ST8SIA6: variants seen among roughly 807,000 people sequenced by gnomAD.
The protein encoded by ST8SIA6 is alpha-2,8-sialyltransferase 8F.
ST8SIA6 carries 39 observed loss-of-function variants against 33.6 expected under a neutral mutation model. That is an observed-to-expected ratio of 1.16 (90% CI 0.90 to 1.52). The LOEUF (loss-of-function observed/expected upper bound fraction) is 1.52. Among genes scored for constraint, ST8SIA6 ranks in the 40% most tolerant of loss-of-function variants. The pLI is 0.00. For missense variants in ST8SIA6, 441 were observed against 443.8 expected (o/e 0.99, Z 0.06); for synonymous variants, 172 against 167.2 (o/e 1.03, Z -0.22).
At chr10:17,333,628 A>G (rs892711965) in intron 4 of ST8SIA6, among the ~76,000 whole-genome samples, 3 of 143,578 alleles carry the variant, frequency 2.1e-5, no homozygotes, top group East Asian at 2.1e-4. Flanking sequence ...CCTGACAAAA[A>G]CAAGCAAAGG....
At chr10:17,406,279 A>G (rs1034549773) in intron 2 of ST8SIA6, among the ~76,000 whole-genome samples, 3 of 152,098 alleles carry the variant, frequency 2.0e-5, no homozygotes, top group Admixed American at 6.5e-5. Flanking sequence ...CTCCTTTACA[A>G]CCTTTTATCA....
intron 2 of ST8SIA6, among the ~76,000 whole-genome samples, chr10:17,448,555 A>G (rs1852798203): frequency 1.3e-5 from 2 of 151,934 alleles, no homozygotes; most frequent in South Asian, 2.1e-4. Flanking sequence ...TAATGATTGG[A>G]TATTTGGGTA....
Position 17,452,238 on chromosome 10 carries a change from A to G in ST8SIA6, c.200+1321T>C, listed in dbSNP as rs1209929357. On this transcript the variant is annotated intron_variant, in intron 2 of 7. Coordinates refer to ENST00000377602, the MANE Select transcript of ST8SIA6 (RefSeq NM_001004470.3). ...GCCTCTAATATGCTGTGAAATTCCA[A>G]TGAGGGGGTGGCAGGCAGTGGTGTT... Among the ~76,000 whole-genome samples the G allele has an allele frequency of 3.3e-5, 5 of 152,282 alleles. No homozygotes were observed. In the East Asian group the frequency reaches 9.6e-4, roughly 29 times the overall value.
chr10:17,411,364 G>A (rs1416289819), intron 2 of ST8SIA6, among the ~76,000 whole-genome samples: 3 of 152,142 alleles, frequency 2.0e-5, no homozygotes, highest in Admixed American at 2.0e-4. Flanking sequence ...TGTATTTTTA[G>A]TAGAGAAGGG....
At chr10:17,369,001 G>C (rs967602093) in intron 3 of ST8SIA6, among the ~76,000 whole-genome samples, 2 of 152,172 alleles carry the variant, frequency 1.3e-5, no homozygotes, top group African/African-American at 4.8e-5. Context: ...CAGTATCTCA[G>C]GCCCCATCCC....
chr10:17,332,830 T>A (rs568317618), intron 4 of ST8SIA6, among the ~76,000 whole-genome samples: 4 of 152,360 alleles, frequency 2.6e-5, no homozygotes, highest in Admixed American at 6.5e-5. Flanking sequence ...ATGAGCTTTT[T>A]TTCATGTTTG....
chr10:17,391,464 A>T (rs1172445873), intron 2 of ST8SIA6, among the ~76,000 whole-genome samples: 1 of 150,706 alleles, frequency 6.6e-6, no homozygotes, highest in Non-Finnish European at 1.5e-5. Flanking sequence ...GGGTTTCAGC[A>T]TGTTAGCCAG....
intron 2 of ST8SIA6, among the ~76,000 whole-genome samples, chr10:17,444,327 G>A (rs770422303): frequency 2.0e-5 from 3 of 152,256 alleles, no homozygotes; most frequent in East Asian, 3.9e-4. Context: ...ACGTTGCCTC[G>A]TGAGTCATAA....
At position 17,390,561 on chromosome 10, in the gene ST8SIA6, C is replaced by T; in HGVS notation, c.260G>A (p.Gly87Asp). ...LTEKCKNLQY[G>D]IESFSNKTKG... ...CGTTTTGTTAGAGAAAGACTCAATGCCATATTGCAGATTTTTGCATTTCTC... is the reference window on the plus strand; with the variant it reads ...CGTTTTGTTAGAGAAAGACTCAATGTCATATTGCAGATTTTTGCATTTCTC... The change falls in exon 3 of 8, where the codon GGC (glycine) becomes GAC (aspartate). Residue 87 changes from glycine to aspartate, a missense_variant. Transcript: ENST00000377602. 6.2e-7 allele frequency: 1 copy of T among 1,613,856 alleles called. No homozygotes were observed. The highest frequency in any genetic ancestry group is 8.5e-7 in the Non-Finnish European group (1 of 1,179,846).
intron 3 of ST8SIA6, among the ~76,000 whole-genome samples, chr10:17,389,580 T>C (rs1368041678): frequency 6.6e-6 from 1 of 152,080 alleles, no homozygotes; most frequent in Non-Finnish European, 1.5e-5. Flanking sequence ...TTGGATTTCC[T>C]TTTTTTGAAG....
chr10:17,372,721 A>C (rs1849776112), intron 3 of ST8SIA6, among the ~76,000 whole-genome samples: 1 of 152,256 alleles, frequency 6.6e-6, no homozygotes, highest in South Asian at 2.1e-4. Context: ...TTAGTTACCC[A>C]TGACTATGTA....
chr10:17,406,083 A>G (rs1851247849), intron 2 of ST8SIA6, among the ~76,000 whole-genome samples: 1 of 152,148 alleles, frequency 6.6e-6, no homozygotes, highest in East Asian at 1.9e-4. Flanking sequence ...GTTCAAAGAA[A>G]CCAGAATGTG....
intron 2 of ST8SIA6, among the ~76,000 whole-genome samples, chr10:17,431,736 GAAAAAAA>G (rs113184112): frequency 3.4e-5 from 4 of 118,928 alleles, no homozygotes; most frequent in East Asian, 2.5e-4. Context: ...TCTTCGTTTG[GAAAAAAA>G]AAAAAAAAAA....
intron 2 of ST8SIA6, among the ~76,000 whole-genome samples, chr10:17,438,198 C>T (rs988772311): frequency 6.6e-6 from 1 of 152,110 alleles, no homozygotes; most frequent in African/African-American, 2.4e-5. Flanking sequence ...GGTTTTTTCC[C>T]CTCCTGGTTA....
intron 4 of ST8SIA6, among the ~76,000 whole-genome samples, chr10:17,335,603 T>C (rs1480421709): frequency 6.6e-6 from 1 of 152,212 alleles, no homozygotes; most frequent in Admixed American, 6.5e-5. Context: ...TTATTTCTTT[T>C]TGTATTTTAC....
chr10:17,405,712 T>C (rs1434569077), intron 2 of ST8SIA6, among the ~76,000 whole-genome samples: 1 of 151,500 alleles, frequency 6.6e-6, no homozygotes, highest in Non-Finnish European at 1.5e-5. Context: ...CAAAACCCTG[T>C]CTCTACTAAA....
chr10:17,323,175 A>C lies in ST8SIA6; in HGVS notation c.636-18T>G. 6.2e-7 allele frequency: 1 copy of C among 1,602,944 alleles called. No individual in the cohort carries two copies. The highest frequency in any genetic ancestry group is 1.3e-5 in the African/African-American group (1 of 74,622). ...GGTTACACCTGAAATTTGAAAAGAAAATCATTTTCAAAATAGAACTTGTAG... is the reference window on the plus strand; with the variant it reads ...GGTTACACCTGAAATTTGAAAAGAACATCATTTTCAAAATAGAACTTGTAG... On this transcript the variant is annotated intron_variant, in intron 6 of 7. Coordinates refer to ENST00000377602, the MANE Select transcript of ST8SIA6 (RefSeq NM_001004470.3).
At chr10:17,391,683 C>T (rs1412853735) in intron 2 of ST8SIA6, among the ~76,000 whole-genome samples, 2 of 152,064 alleles carry the variant, frequency 1.3e-5, no homozygotes, top group Non-Finnish European at 2.9e-5. Flanking sequence ...AATATACTGG[C>T]CTGGTGCTAT....
At position 17,320,905 on chromosome 10, in the gene ST8SIA6, C is replaced by A; in HGVS notation, c.1170G>T (p.Leu390=). 1.9e-6 allele frequency: 3 copies of A among 1,613,982 alleles called. No homozygotes were observed. Among genetic ancestry groups the A allele is most frequent in the Non-Finnish European group, 2.5e-6 (3 of 1,179,924 alleles). ...AGGCGACTTCACATTTGCTAAATTG[C>A]AGTTTGAGGATTCCTTTCATGTGAA... The part of the protein sequence containing the change: ...LQLHMKGILK[L]QFSKCEVA Residue 390 remains leucine, a synonymous_variant, in exon 8 of 8, where the codon CTG becomes CTT. Coordinates refer to ENST00000377602, the MANE Select transcript of ST8SIA6 (RefSeq NM_001004470.3).
Sources: gnomAD v4.1 joint callset for allele counts (sites outside exome capture counted in the v4.1 genomes callset) on GRCh38, gnomAD v4.1.1 for gene constraint, MANE v1.5 for transcripts, NCBI Gene and HGNC (gene_info 2026-07-23, HGNC 2026-07-21) for gene names.